The following RORA variants were observed in gnomAD, a reference collection of about 807,000 sequenced individuals.
The protein encoded by RORA is RAR related orphan receptor A.
In RORA, 7 loss-of-function variants were observed where a neutral mutation model predicts 69.5. The ratio of observed to expected loss-of-function variants is 0.10; its 90% CI spans 0.06 to 0.19. The LOEUF is 0.19. Ranked by LOEUF, RORA falls within the 10% of genes least tolerant of loss-of-function variation. The pLI is 1.00. For missense variants in RORA, 457 were observed against 663.0 expected, an observed-to-expected ratio of 0.69 and a Z score of 3.41; for synonymous variants, 261 against 240.8, an observed-to-expected ratio of 1.08 and a Z score of -0.78.
At chr15:60,539,245 G>A (rs1356759846) in intron 2 of RORA, among the ~76,000 whole-genome samples, 3 of 152,196 alleles carry the variant, frequency 2.0e-5, no homozygotes, top group South Asian at 4.1e-4. Flanking sequence ...ATCTTCTCAT[G>A]TGGCTTTCTG....
intron 1 of RORA, among the ~76,000 whole-genome samples, chr15:60,890,573 C>T (rs1017149322): frequency 1.8e-4 from 28 of 152,204 alleles, no homozygotes; most frequent in African/African-American, 6.8e-4. Flanking sequence ...GCTCGGGGCC[C>T]CTTCACAGGG....
Position 60,870,190 on chromosome 15 carries a change from CAG to C in RORA, c.167-191506_167-191505del, listed in dbSNP as rs1480470771. 6.6e-5 allele frequency among the ~76,000 whole-genome samples: 10 copies of C among 152,288 alleles called. No homozygotes were observed. In the South Asian group the frequency reaches 2.1e-3, roughly 32 times the overall value. On this transcript the variant is annotated intron_variant, in intron 1 of 10. Transcript: ENST00000335670. The stretch of plus-strand genomic sequence containing the variant: ...CTACAGAAACCAGGTGCTATTTATT[CAG>C]AGAGTTATTGAACTGCTGGTATGTA...
At chr15:61,183,746 A>C (rs2079711925) in intron 1 of RORA, among the ~76,000 whole-genome samples, 1 of 152,146 alleles carries the variant, frequency 6.6e-6, no homozygotes, top group Admixed American at 6.5e-5. Flanking sequence ...AAGACCAGGG[A>C]ATAATCTTTA....
At position 60,982,694 on chromosome 15, in the gene RORA, TAA is replaced by T. The variant is rs1359306774; in HGVS notation, c.166+246357_166+246358del. 2.0e-5 allele frequency among the ~76,000 whole-genome samples: 3 copies of T among 152,238 alleles called. No individual in the cohort carries two copies. In the East Asian group the frequency reaches 5.8e-4, roughly 29 times the overall value. ...TGGGGATTGGAGTATGGGATTCAGATAAGTTAAGACACCACAGTTTTGCTTTT... is the reference window on the plus strand; with the variant it reads ...TGGGGATTGGAGTATGGGATTCAGATGTTAAGACACCACAGTTTTGCTTTT... On this transcript the variant is annotated intron_variant, in intron 1 of 10. Transcript: ENST00000335670.
chr15:60,766,005 C>T (rs551744074), intron 1 of RORA, among the ~76,000 whole-genome samples: 6 of 152,266 alleles, frequency 3.9e-5, no homozygotes, highest in Middle Eastern at 3.4e-3. Context: ...AATTCGCCTG[C>T]AGTGTCTGTA....
rs2066722976 is a variant in RORA, at chr15:60,537,724, G to A, written c.197-5873C>T. Reference sequence around the variant, plus strand: ...ATGAACTTGTTTGGCCACTTGGTCTGCTAAGTTCATTTTAAATATAACACT... The same window carrying A: ...ATGAACTTGTTTGGCCACTTGGTCTACTAAGTTCATTTTAAATATAACACT... On this transcript the variant is annotated intron_variant, in intron 2 of 10. Coordinates refer to ENST00000335670, the MANE Select transcript of RORA (RefSeq NM_134261.3). The surrounding 1 kb of genome is among the most constrained non-coding windows in gnomAD (Gnocchi z 4.9). 6.6e-6 allele frequency among the ~76,000 whole-genome samples: 1 copy of A among 152,156 alleles called. No homozygotes were observed.
intron 1 of RORA, among the ~76,000 whole-genome samples, chr15:61,207,720 G>C (rs1233563060): frequency 1.3e-5 from 2 of 152,272 alleles, no homozygotes; most frequent in East Asian, 3.9e-4. Context: ...ATGACTTCCA[G>C]AGAAAAATCC....
intron 1 of RORA, among the ~76,000 whole-genome samples, chr15:61,224,917 C>G (rs1257511723): frequency 2.0e-5 from 3 of 152,172 alleles, no homozygotes; most frequent in African/African-American, 7.2e-5. Context: ...CTCCATACTT[C>G]AGTTTCAGAC....
Position 61,046,081 on chromosome 15 carries a change from C to T in RORA, c.166+182972G>A, listed in dbSNP as rs115009446. 4.0e-3 allele frequency among the ~76,000 whole-genome samples: 600 copies of T among 151,816 alleles called. 2 individuals carry two copies. The highest frequency in any genetic ancestry group is 0.014 in the African/African-American group (584 of 41,342). On this transcript the variant is annotated intron_variant, in intron 1 of 10. Transcript: ENST00000335670. The stretch of plus-strand genomic sequence containing the variant: ...GAAATCCGGGGACAGGATAGATCAA[C>T]GGAGAAAAGGGGAGGAAGTGAGAGG...
chr15:61,029,839 A>T (rs1399355022), intron 1 of RORA, among the ~76,000 whole-genome samples: 2 of 152,178 alleles, frequency 1.3e-5, no homozygotes, highest in African/African-American at 2.4e-5. Flanking sequence ...TTGGTATCCA[A>T]AAAGGGCCAC....
chr15:61,210,703 T>C (rs1000824995), intron 1 of RORA, among the ~76,000 whole-genome samples: 1 of 152,222 alleles, frequency 6.6e-6, no homozygotes, highest in Non-Finnish European at 1.5e-5. Context: ...TTTGAAACCT[T>C]GAGCCGCAAA....
chr15:60,969,577 GAGA>G (rs1478032319), intron 1 of RORA, among the ~76,000 whole-genome samples: 1 of 152,216 alleles, frequency 6.6e-6, no homozygotes, highest in East Asian at 1.9e-4. Flanking sequence ...GGACAGGATG[GAGA>G]AGGAGATGAA....
chr15:60,735,629 G>C (rs1020942950), intron 1 of RORA, among the ~76,000 whole-genome samples: 4 of 151,850 alleles, frequency 2.6e-5, no homozygotes, highest in Admixed American at 2.0e-4. Flanking sequence ...AAGGTAAACA[G>C]AAGGTGAGTT....
At chr15:61,006,032 G>A (rs997713146) in intron 1 of RORA, among the ~76,000 whole-genome samples, 2 of 152,098 alleles carry the variant, frequency 1.3e-5, no homozygotes, top group Admixed American at 1.3e-4. Flanking sequence ...GCAGTGGCGC[G>A]ATCTTGGCTC....
At chr15:60,897,440 G>C (rs1368584484) in intron 1 of RORA, among the ~76,000 whole-genome samples, 1 of 152,176 alleles carries the variant, frequency 6.6e-6, no homozygotes, top group Non-Finnish European at 1.5e-5. Context: ...AGAGGAAGAG[G>C]GGTGTAAATA....
At chr15:61,002,716 C>G (rs992582213) in intron 1 of RORA, among the ~76,000 whole-genome samples, 1 of 152,108 alleles carries the variant, frequency 6.6e-6, no homozygotes, top group African/African-American at 2.4e-5. Context: ...GCAAAGTGAG[C>G]ATTTCATCCA....
intron 1 of RORA, among the ~76,000 whole-genome samples, chr15:61,200,586 C>T (rs997107572): frequency 3.2e-4 from 48 of 152,176 alleles, no homozygotes; most frequent in African/African-American, 1.1e-3. Context: ...TCCTAGTCTT[C>T]CCTGTGCCTC....
At chr15:60,852,657 A>G (rs954779164) in intron 1 of RORA, among the ~76,000 whole-genome samples, 1 of 152,230 alleles carries the variant, frequency 6.6e-6, no homozygotes, top group African/African-American at 2.4e-5. Flanking sequence ...AGAACTAAGT[A>G]GAATAAATAA....
At chr15:61,011,984 T>G (rs1161766071) in intron 1 of RORA, among the ~76,000 whole-genome samples, 1 of 152,252 alleles carries the variant, frequency 6.6e-6, no homozygotes, top group East Asian at 1.9e-4. Context: ...TCTGGCCAAT[T>G]GCATGAAATG....
Sources: gnomAD v4.1 joint callset for allele counts (sites outside exome capture counted in the v4.1 genomes callset) on GRCh38, gnomAD v4.1.1 for gene constraint, Gnocchi (gnomAD v3.1) non-coding constraint, MANE v1.5 for transcripts, NCBI Gene and HGNC (gene_info 2026-07-23, HGNC 2026-07-21) for gene names.